The following KCNQ4 variants were observed in gnomAD, a reference collection of about 807,000 sequenced individuals.
The protein encoded by KCNQ4 is potassium voltage-gated channel subfamily KQT member 4.
Under a neutral mutation model 72.6 loss-of-function variants are expected in KCNQ4, and 31 were observed. The ratio of observed to expected loss-of-function variants is 0.43; its 90% CI spans 0.32 to 0.58. The LOEUF is 0.58. KCNQ4 is among the 20% of genes least tolerant of loss of function. KCNQ4 has a pLI of 0.08. For synonymous variants in KCNQ4, 405 were observed against 403.7 expected (o/e 1.00, Z -0.04); for missense variants, 869 against 962.6 (o/e 0.90, Z 1.29).
rs6676655 is a variant in KCNQ4 at position 40,835,354 on chromosome 1, G to C, written c.1745+256G>C. On this transcript the variant is annotated intron_variant, in intron 12 of 13. Transcript: ENST00000347132. ...AAGCCCTATTGACTCATATGCCTTG[G>C]GGGCTTTGTTTAGAATGACTGTTTC... 0.065 allele frequency among the ~76,000 whole-genome samples: 9,939 copies of C among 152,278 alleles called. 1,079 individuals are homozygous for C. Among genetic ancestry groups the C allele is most frequent in the African/African-American group, 0.23 (9,363 of 41,528 alleles).
intron 1 of KCNQ4, among the ~76,000 whole-genome samples, chr1:40,796,515 C>G (rs925725521): frequency 6.6e-6 from 1 of 152,146 alleles, no homozygotes; most frequent in Non-Finnish European, 1.5e-5. Context: ...AGGATTCTAA[C>G]CACAAGAGTC....
intron 1 of KCNQ4, among the ~76,000 whole-genome samples, chr1:40,793,554 C>T (rs561975710): frequency 2.0e-4 from 30 of 152,098 alleles, no homozygotes; most frequent in Non-Finnish European, 3.5e-4. Context: ...CTCCTCATTC[C>T]CTGGGCATCT....
chr1:40,792,272 G>C (rs954571213), intron 1 of KCNQ4, among the ~76,000 whole-genome samples: 1 of 152,172 alleles, frequency 6.6e-6, no homozygotes, highest in African/African-American at 2.4e-5. Context: ...AGGCGCCTTC[G>C]CTACTGCCCG....
intron 1 of KCNQ4, among the ~76,000 whole-genome samples, chr1:40,814,792 G>GATA (rs1276181381): frequency 6.6e-6 from 1 of 152,134 alleles, no homozygotes. Context: ...ACCACCCATA[G>GATA]ATAAGCCTTG....
intron 9 of KCNQ4, chr1:40,826,773 G>A (rs1228786346): frequency 7.1e-6 from 3 of 421,146 alleles, no homozygotes; most frequent in Non-Finnish European, 1.5e-5. Flanking sequence ...GACAGGATGG[G>A]CCAAGGACAA....
chr1:40,803,731 C>G (rs1377896864), intron 1 of KCNQ4, among the ~76,000 whole-genome samples: 1 of 152,216 alleles, frequency 6.6e-6, no homozygotes, highest in Non-Finnish European at 1.5e-5. Context: ...TTTGGGGTTC[C>G]CACTGGGAGC....
In KCNQ4 at chr1:40,837,932, C is replaced by T. The variant is rs995834194; in HGVS notation, c.1875+138C>T. 5 of 1,222,352 alleles carry T rather than the reference C, an allele frequency of 4.1e-6. No homozygotes were observed. In the African/African-American group the frequency reaches 7.6e-5, roughly 18 times the overall value. 75.7% of individuals were successfully genotyped at this position (1,222,352 alleles called of 1,614,324 possible). On this transcript the variant is annotated intron_variant, in intron 13 of 13. Coordinates refer to ENST00000347132, the MANE Select transcript of KCNQ4 (RefSeq NM_004700.4). The stretch of plus-strand genomic sequence containing the variant: ...CTAAGAGCCCCCTCCCCGGCCGAAG[C>T]CCCCGCCCTCGCCGCCAGACATTCC...
intron 11 of KCNQ4, 24 bp downstream of exon 11, chr1:40,833,137 C>T: frequency 6.4e-7 from 1 of 1,566,230 alleles, no homozygotes; most frequent in East Asian, 2.2e-5. Context: ...CTGAGGCGAG[C>T]ACCCCCCTCC....
At position 40,820,847 on chromosome 1, in the gene KCNQ4, T is replaced by G. The variant is rs200776512; in HGVS notation, c.1041+587T>G. ...TGCCATGGCGTGTTGTGACTGTGTG[T>G]GGGCTGAGGCCAGGGCTCTGATTTT... On this transcript the variant is annotated intron_variant, in intron 7 of 13. Transcript: ENST00000347132. 9.2e-5 allele frequency among the ~76,000 whole-genome samples: 14 copies of G among 152,334 alleles called. No homozygotes were observed. In the East Asian group the frequency reaches 2.7e-3, roughly 29 times the overall value.
chr1:40,805,989 C>T (rs983802943), intron 1 of KCNQ4, among the ~76,000 whole-genome samples: 1 of 152,140 alleles, frequency 6.6e-6, no homozygotes, highest in Non-Finnish European at 1.5e-5. Context: ...CTACAGGCGC[C>T]CACCACCACG....
chr1:40,824,353 T>A, intron 9 of KCNQ4, 95 bp downstream of exon 9: 3 of 1,369,036 alleles, frequency 2.2e-6, no homozygotes, highest in Non-Finnish European at 3.0e-6. Context: ...TTCAGCCACT[T>A]CGTGGGTGTC....
chr1:40,829,290 C>CT (rs1648569295), intron 9 of KCNQ4, among the ~76,000 whole-genome samples: 2 of 152,192 alleles, frequency 1.3e-5, no homozygotes, highest in Non-Finnish European at 2.9e-5. Flanking sequence ...AGGAATGGCT[C>CT]TGCAGAGGAA....
At chr1:40,813,619 A>G (rs1189421678) in intron 1 of KCNQ4, among the ~76,000 whole-genome samples, 1 of 152,192 alleles carries the variant, frequency 6.6e-6, no homozygotes, top group Non-Finnish European at 1.5e-5. Context: ...GTCATTGAGC[A>G]GGCATTTGGA....
chr1:40,802,428 T>C (rs1327891), intron 1 of KCNQ4, among the ~76,000 whole-genome samples: 149,013 of 152,260 alleles, frequency 0.98, 72,947 homozygotes, highest in East Asian at 1. Context: ...GGGGAGGTAA[T>C]CGGAGCCGCA....
intron 8 of KCNQ4, among the ~76,000 whole-genome samples, chr1:40,822,751 G>C (rs527657042): frequency 6.6e-6 from 1 of 152,360 alleles, no homozygotes; most frequent in African/African-American, 2.4e-5. Context: ...ATGGGGGACA[G>C]AGTTAGTGGA....
chr1:40,801,581 T>C (rs1647575120), intron 1 of KCNQ4, among the ~76,000 whole-genome samples: 1 of 152,228 alleles, frequency 6.6e-6, no homozygotes, highest in African/African-American at 2.4e-5. Flanking sequence ...CCTGCATTCA[T>C]GGAGCTTACA....
intron 1 of KCNQ4, among the ~76,000 whole-genome samples, chr1:40,800,239 G>A (rs796166843): frequency 6.6e-5 from 10 of 152,186 alleles, no homozygotes; most frequent in African/African-American, 2.4e-4. Flanking sequence ...CCCTCCCAGG[G>A]AGGGATGGGC....
intron 11 of KCNQ4, among the ~76,000 whole-genome samples, chr1:40,834,703 C>T (rs1017515438): frequency 2.0e-5 from 3 of 152,090 alleles, no homozygotes; most frequent in East Asian, 1.9e-4. Context: ...GCCTCCTTCT[C>T]GAGGCTGATC....
intron 12 of KCNQ4, among the ~76,000 whole-genome samples, chr1:40,837,352 C>T (rs1390049401): frequency 2.0e-5 from 3 of 152,256 alleles, no homozygotes; most frequent in African/African-American, 4.8e-5. Flanking sequence ...CCTAGCCTCC[C>T]CAAATGCTGG....
Sources: allele counts gnomAD v4.1 joint callset (sites outside exome capture counted in the v4.1 genomes callset), GRCh38; gene constraint gnomAD v4.1.1; transcripts MANE v1.5; gene names NCBI Gene and HGNC (gene_info 2026-07-23, HGNC 2026-07-21).